The following MCM8 variants were observed in gnomAD, a reference collection of about 807,000 sequenced individuals.
MCM8 encodes the protein minichromosome maintenance 8 homologous recombination repair factor.
A neutral mutation model predicts 98.9 loss-of-function variants in MCM8; 85 were observed. That is an observed-to-expected ratio of 0.86 (90% CI 0.72 to 1.03). The LOEUF (loss-of-function observed/expected upper bound fraction) is 1.03. Ranked by LOEUF, MCM8 falls within the 50% of genes least tolerant of loss-of-function variation. The probability of loss-of-function intolerance (pLI) is 0.00; values close to 1 mark genes in which losing one functional copy is unlikely to be tolerated. For synonymous variants in MCM8, 352 were observed against 338.6 expected (o/e 1.04, Z -0.44); for missense variants, 951 against 997.8 (o/e 0.95, Z 0.63).
At chr20:5,959,314 T>A (rs2089074882) in intron 7 of MCM8, among the ~76,000 whole-genome samples, 1 of 152,224 alleles carries the variant, frequency 6.6e-6, no homozygotes, top group Non-Finnish European at 1.5e-5. Flanking sequence ...TGTTCTCAGT[T>A]TTATTCCCTT....
At chr20:5,963,463 AAGTGTATAAT>A (rs1422447852) in intron 8 of MCM8, 104 bp downstream of exon 8, 21 of 802,618 alleles carry the variant, frequency 2.6e-5, no homozygotes, top group South Asian at 5.8e-5. Context: ...CTAAATGACA[AAGTGTATAAT>A]AGTGTATAAT....
At position 5,982,966 on chromosome 20, in the gene MCM8, G is replaced by T. The variant is rs750506378; in HGVS notation, c.1538-4G>T. ...TTTTCTGCTTTATTCTACTTCGATT[G>T]TAGGTATTTGTGGAATCGATGAATT... is the stretch of plus-strand genomic sequence containing the variant. On this transcript the variant is annotated splice_region_variant and splice_polypyrimidine_tract_variant and intron_variant, in intron 13 of 18. Coordinates refer to ENST00000610722, the MANE Select transcript of MCM8 (RefSeq NM_032485.6). The T allele has an allele frequency of 2.1e-5, 33 of 1,603,982 alleles. No homozygotes were observed. The highest frequency in any genetic ancestry group is 2.6e-5 in the Non-Finnish European group (31 of 1,177,124).
At chr20:5,952,340 TA>T (rs1432673447) in intron 2 of MCM8, 83 bp from the exon 3 acceptor site, 4 of 1,565,778 alleles carry the variant, frequency 2.6e-6, no homozygotes, top group Non-Finnish European at 3.5e-6. Flanking sequence ...GATACTCTAT[TA>T]ATGAGAGTCT....
intron 5 of MCM8, 80 bp downstream of exon 5, chr20:5,955,331 A>G: frequency 7.4e-7 from 1 of 1,359,188 alleles, no homozygotes; most frequent in Non-Finnish European, 1.0e-6. Flanking sequence ...CTAAGTTTAA[A>G]GGAAGATTTT....
chr20:5,990,565 T>C (rs977830033), intron 17 of MCM8, among the ~76,000 whole-genome samples: 9 of 152,298 alleles, frequency 5.9e-5, no homozygotes, highest in African/African-American at 1.9e-4. Context: ...GACTTTCTCA[T>C]ACAACTTGCT....
intron 7 of MCM8, among the ~76,000 whole-genome samples, chr20:5,962,416 G>A (rs1283960553): frequency 2.2e-5 from 2 of 91,384 alleles, no homozygotes; most frequent in Non-Finnish European, 3.5e-5. Flanking sequence ...CGCCCAGGCC[G>A]GACTGCGGAC....
At chr20:5,992,757 G>T (rs1451188775) in intron 17 of MCM8, among the ~76,000 whole-genome samples, 1 of 152,180 alleles carries the variant, frequency 6.6e-6, no homozygotes, top group African/African-American at 2.4e-5. Context: ...CTATAAGCCT[G>T]TTGCCCAGCA....
chr20:5,971,850 G>A (rs2089409975), intron 10 of MCM8, among the ~76,000 whole-genome samples, 157 bp from the exon 11 acceptor site: 1 of 152,148 alleles, frequency 6.6e-6, no homozygotes, highest in Admixed American at 6.6e-5. Context: ...AGAACTTTGA[G>A]AAATGTACTG....
intron 16 of MCM8, among the ~76,000 whole-genome samples, chr20:5,986,988 G>C (rs1306115948): frequency 6.6e-6 from 1 of 152,048 alleles, no homozygotes; most frequent in African/African-American, 2.4e-5. Context: ...ACCGCACCCA[G>C]CTAATTTGAA....
intron 17 of MCM8, chr20:5,991,378 T>C (rs567990689): frequency 1.5e-4 from 23 of 152,318 alleles, no homozygotes; most frequent in African/African-American, 5.1e-4. Flanking sequence ...CTCTTAAGTG[T>C]TGTCTCATGG....
At chr20:5,972,680 G>A (rs1290748799) in intron 11 of MCM8, 1 of 1,101,954 alleles carries the variant, frequency 9.1e-7, no homozygotes, top group Non-Finnish European at 1.2e-6. Context: ...TCAGCCTGCC[G>A]AGTAGCTGGG....
chr20:5,977,189 T>C (rs1165104907), intron 12 of MCM8, among the ~76,000 whole-genome samples: 1 of 152,224 alleles, frequency 6.6e-6, no homozygotes, highest in Non-Finnish European at 1.5e-5. Context: ...TCCCCTAGAA[T>C]TGGGCAGTGC....
intron 8 of MCM8, chr20:5,965,604 TTTGTTGGTTTTTA>T (rs1216395420): frequency 6.6e-6 from 1 of 152,192 alleles, no homozygotes; most frequent in Non-Finnish European, 1.5e-5. Flanking sequence ...TGGGTTTTGT[TTTGTTGGTTTTTA>T]CCCCTTAAAT....
At chr20:5,990,068 C>CT (rs545681814) in intron 17 of MCM8, among the ~76,000 whole-genome samples, 406 of 145,454 alleles carry the variant, frequency 2.8e-3, no homozygotes, top group Middle Eastern at 3.6e-3. Flanking sequence ...TCACACAGTG[C>CT]TTTTTTTTTT....
Position 5,955,108 on chromosome 20 carries a change from A to G in MCM8, c.343A>G (p.Ile115Val), listed in dbSNP as rs1330372544. The change falls in exon 5 of 19, where the codon ATA becomes GTA. Residue 115 changes from isoleucine to valine, a missense_variant. Transcript: ENST00000610722. Reference protein sequence around the residue: ...RHIDLYDKDEIERKGSILVDF... With the variant: ...RHIDLYDKDEVERKGSILVDF... ...ATACTTTTATATTTTATAGGATGAA[A>G]TAGAAAGAAAGGGAAGTATTTTGGT... is the stretch of plus-strand genomic sequence containing the variant. The G allele has an allele frequency of 6.3e-7, 1 of 1,592,596 alleles. No homozygotes were observed. Among genetic ancestry groups the G allele is most frequent in the Admixed American group, 1.7e-5 (1 of 58,844 alleles).
chr20:5,988,201 CT>C (rs1268488698), intron 17 of MCM8, among the ~76,000 whole-genome samples: 30 of 152,086 alleles, frequency 2.0e-4, no homozygotes, highest in African/African-American at 7.0e-4. Flanking sequence ...TGGCTCACAC[CT>C]GTAATCCCAG....
rs2122814617 is a variant in MCM8, at chr20:5,986,730, G to A, written c.2164-552G>A. Among the ~76,000 whole-genome samples, 3 of 152,314 alleles carry A rather than the reference G, an allele frequency of 2.0e-5. 1 individual carries two copies. The highest frequency in any genetic ancestry group is 6.8e-3 in the Middle Eastern group (2 of 294). ...AGTGTATTTCATCATCAAATCTCCT[G>A]AAATGATCACTCAGAAATATACGTT... On this transcript the variant is annotated intron_variant, in intron 16 of 18. Coordinates refer to ENST00000610722, the MANE Select transcript of MCM8 (RefSeq NM_032485.6).
rs369572659 is a variant in MCM8 at position 5,993,699 on chromosome 20, T to C, written c.2430+4T>C. 2.9e-5 allele frequency: 46 copies of C among 1,587,244 alleles called. No individual in the cohort carries two copies. In the African/African-American group the frequency reaches 5.4e-4, roughly 19 times the overall value. On this transcript the variant is annotated splice_donor_region_variant and intron_variant, in intron 18 of 18. Transcript: ENST00000610722. ...TGCCAAAGAACTAAACATTCAGGTATGTTAAACTAGTTAATCTCTTTTGTA... is the reference window on the plus strand; with the variant it reads ...TGCCAAAGAACTAAACATTCAGGTACGTTAAACTAGTTAATCTCTTTTGTA...
intron 13 of MCM8, among the ~76,000 whole-genome samples, chr20:5,980,453 T>C (rs577297477): frequency 1.3e-5 from 2 of 152,160 alleles, no homozygotes; most frequent in African/African-American, 2.4e-5. Context: ...AATAAATAAA[T>C]ACCAAAAACA....
Sources: allele counts gnomAD v4.1 joint callset (sites outside exome capture counted in the v4.1 genomes callset), GRCh38; gene constraint gnomAD v4.1.1; transcripts MANE v1.5; gene names NCBI Gene and HGNC (gene_info 2026-07-23, HGNC 2026-07-21).